RP1: variants seen among roughly 807,000 people sequenced by gnomAD.
RP1 encodes the protein RP1 axonemal microtubule associated, also known as oxygen-regulated protein 1.
RP1 carries 16 observed loss-of-function variants against 14.8 expected under a neutral mutation model. The observed-to-expected ratio is 1.08, with a 90% confidence interval of 0.73 to 1.65. The LOEUF (loss-of-function observed/expected upper bound fraction) is 1.65. Ranked by LOEUF, RP1 falls within the 40% of genes most tolerant of loss-of-function variation. RP1 has a pLI of 0.00. For missense variants in RP1, 2,631 were observed against 2,535.0 expected (o/e 1.04, Z -0.81); for synonymous variants, 876 against 883.6 (o/e 0.99, Z 0.15).
chr8:54,809,668 G>C (rs904800377), intron 24 of RP1, among the ~76,000 whole-genome samples: 1 of 152,188 alleles, frequency 6.6e-6, no homozygotes, highest in Admixed American at 6.5e-5. Context: ...GCTTTGCTAG[G>C]AAAAAAATAG....
intron 15 of RP1, among the ~76,000 whole-genome samples, chr8:54,713,706 G>A (rs1006661068): frequency 2.6e-5 from 4 of 152,068 alleles, no homozygotes; most frequent in Non-Finnish European, 5.9e-5. Context: ...TAGACCAGTG[G>A]GTTGGAAAGT....
chr8:54,758,653 T>C (rs1162559988), intron 21 of RP1, among the ~76,000 whole-genome samples: 1 of 152,154 alleles, frequency 6.6e-6, no homozygotes, highest in Non-Finnish European at 1.5e-5. Flanking sequence ...GTGTTGGGAT[T>C]TCTTTGTTTG....
intron 1 of RP1, among the ~76,000 whole-genome samples, chr8:54,564,121 G>T (rs777055234): frequency 1.4e-4 from 21 of 152,114 alleles, no homozygotes; most frequent in Non-Finnish European, 1.5e-4. Context: ...CGGAATTGTC[G>T]GGACTGGTCA....
chr8:54,808,955 C>T (rs1810925383), intron 24 of RP1, among the ~76,000 whole-genome samples: 1 of 152,144 alleles, frequency 6.6e-6, no homozygotes, highest in Non-Finnish European at 1.5e-5. Flanking sequence ...ACAATTAGTA[C>T]ATATAATTTT....
chr8:54,695,030 C>A (rs1248233935), intron 12 of RP1, among the ~76,000 whole-genome samples: 1 of 151,984 alleles, frequency 6.6e-6, no homozygotes, highest in African/African-American at 2.4e-5. Flanking sequence ...TCTTTGTTCT[C>A]GTTGGTTTCA....
At chr8:54,576,917 A>C (rs899003931) in intron 1 of RP1, among the ~76,000 whole-genome samples, 1 of 152,244 alleles carries the variant, frequency 6.6e-6, no homozygotes, top group African/African-American at 2.4e-5. Flanking sequence ...TGGTTTGATT[A>C]AACTGATTGA....
intron 1 of RP1, among the ~76,000 whole-genome samples, chr8:54,581,879 T>G (rs1240930081): frequency 1.3e-5 from 2 of 152,172 alleles, no homozygotes; most frequent in African/African-American, 2.4e-5. Flanking sequence ...TTTGTTTGAG[T>G]TCATTGTAGA....
intron 22 of RP1, among the ~76,000 whole-genome samples, chr8:54,767,692 G>A (rs1364441024): frequency 1.3e-5 from 2 of 152,080 alleles, no homozygotes; most frequent in Middle Eastern, 3.4e-3. Flanking sequence ...GAAGCTGACT[G>A]TCTTTATTCT....
chr8:54,665,138 C>T (rs560259323), intron 7 of RP1, among the ~76,000 whole-genome samples: 4 of 151,988 alleles, frequency 2.6e-5, no homozygotes, highest in Non-Finnish European at 5.9e-5. Context: ...GATGTCTGTA[C>T]CTTTGTGACT....
chr8:54,761,155 T>C (rs1430055877), intron 22 of RP1, among the ~76,000 whole-genome samples: 1 of 152,176 alleles, frequency 6.6e-6, no homozygotes, highest in Non-Finnish European at 1.5e-5. Flanking sequence ...TGGTGGGTAA[T>C]TTAGATGCAG....
intron 16 of RP1, among the ~76,000 whole-genome samples, chr8:54,723,735 C>T (rs1053792171): frequency 1.3e-5 from 2 of 152,180 alleles, no homozygotes; most frequent in Admixed American, 1.3e-4. Flanking sequence ...TAAGACCACA[C>T]TGCTAGGTAT....
exon 29 of RP1, chr8:54,869,975 C>A: frequency 1.0e-6 from 1 of 960,448 alleles, no homozygotes; most frequent in South Asian, 5.4e-5. Context: ...CTCCAATATG[C>A]TTCAAAAGGC....
At chr8:54,867,733 T>C (rs925363585) in intron 28 of RP1, among the ~76,000 whole-genome samples, 15 of 152,240 alleles carry the variant, frequency 9.9e-5, no homozygotes, top group Non-Finnish European at 1.9e-4. Flanking sequence ...ATCATGTGTC[T>C]AGTATTTAGA....
chr8:54,637,982 C>T (rs1806382994), intron 3 of RP1, among the ~76,000 whole-genome samples: 1 of 152,134 alleles, frequency 6.6e-6, no homozygotes, highest in Non-Finnish European at 1.5e-5. Context: ...GCTCCCTCCT[C>T]ATCCGACGTG....
intron 24 of RP1, among the ~76,000 whole-genome samples, chr8:54,807,210 C>A (rs1007611899): frequency 6.6e-6 from 1 of 152,188 alleles, no homozygotes. Context: ...CTGTCAAGCT[C>A]CATCAGCCTT....
At chr8:54,847,841 G>A (rs774104276) in intron 25 of RP1, among the ~76,000 whole-genome samples, 1 of 152,166 alleles carries the variant, frequency 6.6e-6, no homozygotes, top group African/African-American at 2.4e-5. Context: ...TAAGTAGCCC[G>A]CACTGTTCAG....
intron 25 of RP1, among the ~76,000 whole-genome samples, chr8:54,846,849 C>T (rs1811931907): frequency 6.6e-6 from 1 of 152,168 alleles, no homozygotes. Flanking sequence ...GTCACCTCCT[C>T]CCTCATTGGT....
rs1270676709 is a variant in RP1, at chr8:54,679,712, G to A, written c.1587+85G>A. 3.2e-5 allele frequency: 48 copies of A among 1,519,632 alleles called. No homozygotes were observed. In the Admixed American group the frequency reaches 9.3e-4, roughly 29 times the overall value. The allele number at this position is 1,519,632 out of a possible 1,614,324, so 94.1% of individuals were successfully genotyped here. On this transcript the variant is annotated intron_variant, in intron 11 of 22. Transcript: ENST00000636932. The stretch of plus-strand genomic sequence containing the variant: ...ATGTGTTAAAACAAAACAGCCTATA[G>A]AGTTTAGTAAGTGCTGTTTCTTAGC...
At chr8:54,745,944 G>A (rs1457877868) in intron 19 of RP1, among the ~76,000 whole-genome samples, 4 of 151,998 alleles carry the variant, frequency 2.6e-5, no homozygotes, top group African/African-American at 7.2e-5. Context: ...AATACTAGAC[G>A]ATGCTTCAGT....
Sources: allele counts gnomAD v4.1 joint callset (sites outside exome capture counted in the v4.1 genomes callset), GRCh38; gene constraint gnomAD v4.1.1; transcripts MANE v1.5; gene names NCBI Gene and HGNC (gene_info 2026-07-23, HGNC 2026-07-21).